The following BANP variants were observed in gnomAD, a reference collection of about 807,000 sequenced individuals.
BANP encodes BTG3 associated nuclear protein, also known as protein BANP.
Under a neutral mutation model 68.1 loss-of-function variants are expected in BANP, and 11 were observed. The ratio of observed to expected loss-of-function variants is 0.16; its 90% CI spans 0.10 to 0.27. The LOEUF (loss-of-function observed/expected upper bound fraction) is 0.27. Among genes scored for constraint, BANP ranks in the 10% least tolerant of loss-of-function variants. BANP has a pLI of 1.00. For missense variants in BANP, 504 were observed against 722.7 expected (o/e 0.70, Z 3.47); for synonymous variants, 329 against 303.2 (o/e 1.09, Z -0.88).
chr16:88,023,090 G>C (rs1476706906), intron 7 of BANP, among the ~76,000 whole-genome samples: 1 of 152,224 alleles, frequency 6.6e-6, no homozygotes, highest in Non-Finnish European at 1.5e-5. Context: ...CCTTAAGGCA[G>C]AATGTGGACT....
chr16:88,025,334 G>A lies in BANP; in HGVS notation c.896-2149G>A, dbSNP rs151255729. 7.4e-4 allele frequency among the ~76,000 whole-genome samples: 112 copies of A among 152,328 alleles called. 1 individual carries two copies. The highest frequency in any genetic ancestry group is 2.5e-3 in the African/African-American group (104 of 41,558). On this transcript the variant is annotated intron_variant, in intron 7 of 13. Transcript: ENST00000682872. ...GGGTTCCCCCATGACCACAGCCAGC[G>A]GCTGGGTTCCTCTGTGAGTCACTAA... is the stretch of plus-strand genomic sequence containing the variant.
At chr16:88,039,381 G>T (rs1055403094) in intron 11 of BANP, among the ~76,000 whole-genome samples, 1 of 143,650 alleles carries the variant, frequency 7.0e-6, no homozygotes, top group African/African-American at 2.4e-5. Flanking sequence ...TCACGGTCAC[G>T]GGGGCAGCAG....
chr16:87,956,519 G>A (rs117133676), intron 1 of BANP: 2,236 of 152,346 alleles, frequency 0.015, 26 homozygotes, highest in Middle Eastern at 0.034. Flanking sequence ...GTATTGGGTG[G>A]AATCACACAC....
At chr16:87,972,643 G>T (rs1448839070) in intron 1 of BANP, among the ~76,000 whole-genome samples, 1 of 152,128 alleles carries the variant, frequency 6.6e-6, no homozygotes, top group African/African-American at 2.4e-5. Flanking sequence ...TCTAATTTCA[G>T]TGTTTTGGGT....
chr16:88,027,718 G>C (rs1278986373), intron 8 of BANP, 68 bp downstream of exon 8: 61 of 1,579,876 alleles, frequency 3.9e-5, no homozygotes. Flanking sequence ...GGCACCCTCA[G>C]GGGCAGCCAG....
At position 88,006,098 on chromosome 16, in the gene BANP, C is replaced by G; in HGVS notation, c.488C>G (p.Pro163Arg). Residue 163 changes from proline to arginine, a missense_variant, in exon 6 of 14, where the codon CCT (proline) becomes CGT (arginine). Transcript: ENST00000682872. ...TTTTTTTTCCCGTTTAGCGCTGTGC[C>G]TGGGCGTCGGCAGAACACCATTGTG... is the stretch of plus-strand genomic sequence containing the variant. ...SLENVISNAV[P>R]GRRQNTIVVK... 1 of 1,613,854 alleles carries G rather than the reference C, an allele frequency of 6.2e-7. No individual in the cohort carries two copies.
intron 11 of BANP, among the ~76,000 whole-genome samples, chr16:88,041,953 G>A (rs970512611): frequency 6.6e-6 from 1 of 152,178 alleles, no homozygotes; most frequent in African/African-American, 2.4e-5. Flanking sequence ...CAGTAGGAGG[G>A]TGAGAGACGC....
At chr16:88,060,797 G>C (rs1490095200) in intron 11 of BANP, among the ~76,000 whole-genome samples, 2 of 152,196 alleles carry the variant, frequency 1.3e-5, no homozygotes, top group Non-Finnish European at 2.9e-5. Context: ...GGTGATGGCA[G>C]GCTTGTGCAC....
At chr16:87,958,413 A>G (rs1322621830) in intron 1 of BANP, among the ~76,000 whole-genome samples, 2 of 152,216 alleles carry the variant, frequency 1.3e-5, no homozygotes, top group Non-Finnish European at 2.9e-5. Context: ...TGAACTTACC[A>G]TCGTAGGCCC....
At position 88,055,483 on chromosome 16, in the gene BANP, A is replaced by G. The variant is rs151010154; in HGVS notation, c.1312-9784A>G. ...CTTCTCTCCCATCTTTGGCATTTGT[A>G]TTCCTCCTGATACTTCGCTTAAGAG... On this transcript the variant is annotated intron_variant, in intron 11 of 13. Transcript: ENST00000682872. 1.3e-4 allele frequency among the ~76,000 whole-genome samples: 20 copies of G among 152,300 alleles called. 1 individual carries two copies. In the South Asian group the frequency reaches 2.3e-3, roughly 17 times the overall value.
chr16:88,073,690 C>T (rs1447736098), intron 13 of BANP, among the ~76,000 whole-genome samples: 3 of 152,320 alleles, frequency 2.0e-5, no homozygotes, highest in South Asian at 2.1e-4. Flanking sequence ...CCCCCCGTGC[C>T]GTTCCAGATA....
chr16:87,961,934 GA>G (rs1036540984), intron 1 of BANP, among the ~76,000 whole-genome samples: 5 of 152,092 alleles, frequency 3.3e-5, no homozygotes, highest in Non-Finnish European at 7.4e-5. Context: ...TCAGCCTCCT[GA>G]ACTATAAGAA....
At chr16:88,054,972 C>A (rs938752946) in intron 11 of BANP, among the ~76,000 whole-genome samples, 5 of 152,132 alleles carry the variant, frequency 3.3e-5, no homozygotes, top group Non-Finnish European at 7.3e-5. Context: ...TGGGTCAGTT[C>A]TTTCACTATA....
intron 12 of BANP, among the ~76,000 whole-genome samples, chr16:88,070,793 C>T (rs1310329935): frequency 6.6e-6 from 1 of 152,182 alleles, no homozygotes; most frequent in Non-Finnish European, 1.5e-5. Flanking sequence ...ATTTAAAAGC[C>T]ATTCTCAGTT....
intron 2 of BANP, among the ~76,000 whole-genome samples, chr16:87,976,290 AG>A (rs1236012774): frequency 6.6e-6 from 1 of 152,154 alleles, no homozygotes; most frequent in African/African-American, 2.4e-5. Flanking sequence ...CTTGAGAACA[AG>A]TTTTTTCTAC....
intron 9 of BANP, among the ~76,000 whole-genome samples, chr16:88,034,098 T>A (rs1243112999): frequency 1.3e-5 from 2 of 152,198 alleles, no homozygotes; most frequent in Admixed American, 1.3e-4. Flanking sequence ...GGCTCTCATC[T>A]CAGTGTGGCT....
chr16:88,064,211 G>T lies in BANP; in HGVS notation c.1312-1056G>T, dbSNP rs554472755. 6.6e-6 allele frequency among the ~76,000 whole-genome samples: 1 copy of T among 151,976 alleles called. No homozygotes were observed. Among genetic ancestry groups the T allele is most frequent in the South Asian group, 2.1e-4 (1 of 4,808 alleles). On this transcript the variant is annotated intron_variant, in intron 11 of 13. Transcript: ENST00000682872. This position sits in a 1 kb window ranked among gnomAD's most constrained non-coding sequence, Gnocchi z 4.5. ...GCTTGAGAGGCGCAGGGGAGCAGGG[G>T]GGGAGAGTGGACAGCGAGGCGGTGG... is the stretch of plus-strand genomic sequence containing the variant.
At chr16:88,055,407 C>G (rs1163566682) in intron 11 of BANP, among the ~76,000 whole-genome samples, 2 of 152,166 alleles carry the variant, frequency 1.3e-5, no homozygotes, top group Non-Finnish European at 2.9e-5. Context: ...TGTGCAATGA[C>G]TTGACCAGGG....
In BANP at chr16:88,018,239, C is replaced by T. The variant is rs372067877; in HGVS notation, c.656-189C>T. 1.3e-5 allele frequency among the ~76,000 whole-genome samples: 2 copies of T among 152,130 alleles called. No individual in the cohort carries two copies. The highest frequency in any genetic ancestry group is 1.3e-4 in the Admixed American group (2 of 15,280). On this transcript the variant is annotated intron_variant, in intron 6 of 13. Transcript: ENST00000682872. The surrounding 1 kb of genome is among the most constrained non-coding windows in gnomAD (Gnocchi z 7.7). ...GGGTGGTGGGATCGTGTCTGTTCCG[C>T]GTCAGTTCTTTCTTGGGCAGCAGTC... is the stretch of plus-strand genomic sequence containing the variant.
Sources: allele counts gnomAD v4.1 joint callset (sites outside exome capture counted in the v4.1 genomes callset), GRCh38; gene constraint gnomAD v4.1.1; non-coding constraint Gnocchi (gnomAD v3.1); transcripts MANE v1.5; gene names NCBI Gene and HGNC (gene_info 2026-07-23, HGNC 2026-07-21).